Variants in KDM5B observed in about 807,000 individuals in gnomAD.
KDM5B encodes the protein lysine-specific demethylase 5B.
A neutral mutation model predicts 193.4 loss-of-function variants in KDM5B; 144 were observed. The ratio of observed to expected loss-of-function variants is 0.74; its 90% CI spans 0.65 to 0.86. KDM5B has a LOEUF of 0.86. Among genes scored for constraint, KDM5B ranks in the 40% least tolerant of loss-of-function variants. KDM5B has a pLI of 0.00. For synonymous variants in KDM5B, 668 were observed against 682.6 expected (o/e 0.98, Z 0.33); for missense variants, 1,833 against 1,886.9 (o/e 0.97, Z 0.53).
rs553498338 is a variant in KDM5B, at chr1:202,728,103, G to C, written c.*933C>G. 6.6e-6 allele frequency: 1 copy of C among 152,396 alleles called. No individual in the cohort carries two copies. The highest frequency in any genetic ancestry group is 6.5e-5 in the Admixed American group (1 of 15,304). The allele number at this position is 152,396 out of a possible 1,614,324, so 9.4% of individuals were successfully genotyped here. ...ATCCACTGCTACTGCAACCTGGTTG[G>C]GCAGAGGCAAAAGCAAGCAGCCCCT... On this transcript the variant is annotated 3_prime_UTR_variant, in exon 27 of 27. Transcript: ENST00000367265.
At chr1:202,788,453 G>T (rs1365542838) in intron 1 of KDM5B, among the ~76,000 whole-genome samples, 2 of 152,148 alleles carry the variant, frequency 1.3e-5, no homozygotes, top group Non-Finnish European at 2.9e-5. Flanking sequence ...TAAAAATATA[G>T]TAGTAATAAA....
At chr1:202,737,882 A>G (rs1177616495) in intron 20 of KDM5B, among the ~76,000 whole-genome samples, 1 of 152,238 alleles carries the variant, frequency 6.6e-6, no homozygotes, top group East Asian at 1.9e-4. Context: ...ACAACTAGGG[A>G]AGACTGGGTA....
At position 202,774,657 on chromosome 1, in the gene KDM5B, G is replaced by GA; in HGVS notation, c.360dup (p.Pro121SerfsTer14). 1 of 1,612,624 alleles carries GA rather than the reference G, an allele frequency of 6.2e-7. No individual in the cohort carries two copies. On this transcript the variant is annotated frameshift_variant, in exon 3 of 27. Coordinates refer to ENST00000367265, the MANE Select transcript of KDM5B (RefSeq NM_006618.5). LOFTEE classifies it high-confidence loss of function. Reference sequence around the variant, plus strand: ...TCCAAGATCTTCCTCTCCACATGTGGAATTTTCAGAGTACTTCCCTGTAAC... The same window carrying GA: ...TCCAAGATCTTCCTCTCCACATGTGGAAATTTTCAGAGTACTTCCCTGTAAC...
chr1:202,746,377 C>A, intron 14 of KDM5B, 54 bp from the exon 15 acceptor site: 1 of 1,255,266 alleles, frequency 8.0e-7, no homozygotes, highest in Non-Finnish European at 1.1e-6. Context: ...AATCCACCAG[C>A]CCAAGACAAA....
intron 22 of KDM5B, 61 bp downstream of exon 22, chr1:202,735,368 A>G: frequency 6.6e-7 from 1 of 1,519,608 alleles, no homozygotes; most frequent in Non-Finnish European, 8.9e-7. Flanking sequence ...TATAAAACAG[A>G]AAGGGTTAGA....
intron 14 of KDM5B, among the ~76,000 whole-genome samples, chr1:202,748,067 G>GC (rs1408468276): frequency 6.6e-6 from 1 of 152,130 alleles, no homozygotes; most frequent in African/African-American, 2.4e-5. Context: ...TAGATGCATA[G>GC]ATCACCAGAA....
Position 202,756,535 on chromosome 1 carries a change from G to C in KDM5B, c.1198-19C>G. The C allele has an allele frequency of 6.4e-7, 1 of 1,551,290 alleles. No individual in the cohort carries two copies. Among genetic ancestry groups the C allele is most frequent in the Non-Finnish European group, 8.7e-7 (1 of 1,148,846 alleles). On this transcript the variant is annotated intron_variant, in intron 9 of 26. Coordinates refer to ENST00000367265, the MANE Select transcript of KDM5B (RefSeq NM_006618.5). ...GGACCATCTGGAAATACAAGGAATA[G>C]AAAAAATGAGTTTCCTCACAAACTG...
chr1:202,766,884 G>A (rs1409323759), intron 5 of KDM5B, 42 bp downstream of exon 5: 6 of 1,544,820 alleles, frequency 3.9e-6, no homozygotes, highest in Non-Finnish European at 5.2e-6. Flanking sequence ...TTGGTATTAG[G>A]GCTTGAGAAT....
rs144114759 is a variant in KDM5B, at chr1:202,755,238, T to C, written c.1538+33A>G. 1.1e-3 allele frequency: 1,751 copies of C among 1,572,648 alleles called. 16 individuals carry two copies. The African/African-American group carries it at 0.021, about 19-fold the overall frequency. Reference sequence around the variant, plus strand: ...GGAAAGTTTTCCTATCCAGCATGCATACTACTCATGGGTTCTTTTTGGAAC... The same window carrying C: ...GGAAAGTTTTCCTATCCAGCATGCACACTACTCATGGGTTCTTTTTGGAAC... On this transcript the variant is annotated intron_variant, in intron 11 of 26. Coordinates refer to ENST00000367265, the MANE Select transcript of KDM5B (RefSeq NM_006618.5).
At position 202,728,835 on chromosome 1, in the gene KDM5B, T is replaced by G; in HGVS notation, c.*201A>C. 1.7e-6 allele frequency: 1 copy of G among 578,184 alleles called. No homozygotes were observed. Among genetic ancestry groups the G allele is most frequent in the Non-Finnish European group, 2.9e-6 (1 of 345,694 alleles). The allele number at this position is 578,184 out of a possible 1,614,324, so 35.8% of individuals were successfully genotyped here. ...CCACAAATAGCTCTTAAGGAAAAAA[T>G]ACAAAAAGTGTCAAAAATTTTTTTA... On this transcript the variant is annotated 3_prime_UTR_variant, in exon 27 of 27. Transcript: ENST00000367265.
chr1:202,808,249 G>A lies in KDM5B; in HGVS notation c.57C>T (p.Gly19=), dbSNP rs778412398. Residue 19 remains glycine, a synonymous_variant, in exon 1 of 27, where the codon GGC becomes GGT. Coordinates refer to ENST00000367265, the MANE Select transcript of KDM5B (RefSeq NM_006618.5). ...GCAGGAACTCGCCCAGCGGGCCCGGGCCCCCGAGGGGCAGCGCCGGGCGCG... is the reference window on the plus strand; with the variant it reads ...GCAGGAACTCGCCCAGCGGGCCCGGACCCCCGAGGGGCAGCGCCGGGCGCG... ...PGPRPALPLG[G]PGPLGEFLPP... 39 of 1,611,024 alleles carry A rather than the reference G, an allele frequency of 2.4e-5. No homozygotes were observed. In the Middle Eastern group the frequency reaches 7.2e-4, roughly 30 times the overall value.
chr1:202,794,131 A>G (rs1232441594), intron 1 of KDM5B, among the ~76,000 whole-genome samples: 3 of 152,222 alleles, frequency 2.0e-5, no homozygotes, highest in Non-Finnish European at 4.4e-5. Context: ...TCCTATAAAG[A>G]TAACAGAATA....
At chr1:202,788,010 C>T (rs1657482021) in intron 1 of KDM5B, among the ~76,000 whole-genome samples, 1 of 152,128 alleles carries the variant, frequency 6.6e-6, no homozygotes, top group Non-Finnish European at 1.5e-5. Flanking sequence ...GGTCCTCGGC[C>T]CACACCCTGG....
At chr1:202,764,659 A>G (rs1427552694) in intron 5 of KDM5B, among the ~76,000 whole-genome samples, 5 of 152,036 alleles carry the variant, frequency 3.3e-5, no homozygotes, top group South Asian at 2.1e-4. Context: ...AAACAAAAAA[A>G]CAAATAGGGA....
intron 14 of KDM5B, chr1:202,746,613 G>A: frequency 3.8e-6 from 1 of 262,016 alleles, no homozygotes. Flanking sequence ...TTAGTTATCT[G>A]TTCTACTACA....
At chr1:202,750,920 T>A in intron 12 of KDM5B, 142 bp from the exon 13 acceptor site, 1 of 730,338 alleles carries the variant, frequency 1.4e-6, no homozygotes, top group South Asian at 2.1e-5. Context: ...ATTATTATAG[T>A]AGAATATCAC....
At chr1:202,792,363 A>T (rs1267967421) in intron 1 of KDM5B, among the ~76,000 whole-genome samples, 1 of 151,788 alleles carries the variant, frequency 6.6e-6, no homozygotes, top group Non-Finnish European at 1.5e-5. Flanking sequence ...AAATTCAAAC[A>T]CTTAGGCCCA....
chr1:202,730,806 G>C, intron 25 of KDM5B, 103 bp downstream of exon 25: 1 of 1,147,888 alleles, frequency 8.7e-7, no homozygotes, highest in Non-Finnish European at 1.2e-6. Context: ...CAGTCTAATC[G>C]CCCAGTCCTC....
intron 10 of KDM5B, 54 bp downstream of exon 10, chr1:202,756,304 A>C: frequency 6.9e-7 from 1 of 1,452,474 alleles, no homozygotes; most frequent in South Asian, 1.4e-5. Context: ...ACTTCAAGCC[A>C]ACCAAACAGA....
Sources: gnomAD v4.1 joint callset for allele counts (sites outside exome capture counted in the v4.1 genomes callset) on GRCh38, gnomAD v4.1.1 for gene constraint, MANE v1.5 for transcripts, NCBI Gene and HGNC (gene_info 2026-07-23, HGNC 2026-07-21) for gene names.